The following CSMD1 variants were observed in gnomAD, a reference collection of about 807,000 sequenced individuals.
CSMD1 encodes the protein CUB and sushi domain-containing protein 1.
Under a neutral mutation model 417.5 loss-of-function variants are expected in CSMD1, and 213 were observed. The observed-to-expected ratio is 0.51, with a 90% CI of 0.46 to 0.57. CSMD1 has a LOEUF of 0.57. Ranked by LOEUF, CSMD1 falls within the 20% of genes least tolerant of loss-of-function variation. The pLI is 0.00. For missense variants in CSMD1, 6,923 were observed against 4,529.7 expected (o/e 1.53, Z -15.17); for synonymous variants, 2,862 against 1,736.8 (o/e 1.65, Z -16.11).
intron 23 of CSMD1, among the ~76,000 whole-genome samples, chr8:3,309,387 G>A (rs953676354): frequency 2.1e-5 from 3 of 144,854 alleles, no homozygotes; most frequent in African/African-American, 7.3e-5. Flanking sequence ...TGGTTATGAG[G>A]CTCTTGAGGA....
chr8:4,931,448 C>T (rs56006739), intron 1 of CSMD1, among the ~76,000 whole-genome samples: 3,574 of 152,206 alleles, frequency 0.023, 52 homozygotes, highest in Middle Eastern at 0.078. Flanking sequence ...CAATTTCAAA[C>T]GCCCAGCCTG....
At chr8:3,128,422 G>C in intron 41 of CSMD1, 1 of 161,556 alleles carries the variant, frequency 6.2e-6, no homozygotes, top group South Asian at 1.7e-4. Flanking sequence ...CCTTTACATG[G>C]TCATAAATAA....
At chr8:3,423,520 T>C (rs956089679) in intron 12 of CSMD1, among the ~76,000 whole-genome samples, 2 of 152,224 alleles carry the variant, frequency 1.3e-5, no homozygotes, top group African/African-American at 4.8e-5. Context: ...ATGAACTTTT[T>C]GTTGCTCAAT....
intron 3 of CSMD1, among the ~76,000 whole-genome samples, chr8:4,294,254 G>T (rs149457485): frequency 1.5e-3 from 224 of 152,126 alleles, no homozygotes; most frequent in Non-Finnish European, 2.7e-3. Flanking sequence ...CATATAGATC[G>T]TGTGACAAAC....
rs76405675 is a variant in CSMD1 at position 3,178,262 on chromosome 8, T to C, written c.5725+2848A>G. The stretch of plus-strand genomic sequence containing the variant: ...CACCAGTGTCCATTTGGATGTACTA[T>C]GGTTAAGGGGGCCTTGTTTTCATTT... On this transcript the variant is annotated intron_variant, in intron 37 of 69. Transcript: ENST00000635120. Among the ~76,000 whole-genome samples, 865 of 152,246 alleles carry C rather than the reference T, an allele frequency of 5.7e-3. 13 individuals carry two copies. The highest frequency in any genetic ancestry group is 0.02 in the African/African-American group (839 of 41,534).
intron 1 of CSMD1, among the ~76,000 whole-genome samples, chr8:4,641,766 G>A (rs1345458114): frequency 6.6e-6 from 1 of 152,106 alleles, no homozygotes; most frequent in Non-Finnish European, 1.5e-5. Flanking sequence ...ATAAAATGGT[G>A]AGTAAATACA....
At chr8:3,621,991 ATG>A (rs35068961) in intron 7 of CSMD1, among the ~76,000 whole-genome samples, 8,500 of 142,896 alleles carry the variant, frequency 0.059, 426 homozygotes, top group East Asian at 0.29. Flanking sequence ...GTGTGTGTGT[ATG>A]TGTGTGTGTG....
At chr8:3,162,418 AG>A in intron 37 of CSMD1, 141 bp from the exon 38 acceptor site, 1 of 633,152 alleles carries the variant, frequency 1.6e-6, no homozygotes, top group Non-Finnish European at 2.8e-6. Context: ...TATTCTACCA[AG>A]AAGACTTTGA....
At chr8:4,148,116 C>T (rs143131915) in intron 3 of CSMD1, among the ~76,000 whole-genome samples, 17 of 152,072 alleles carry the variant, frequency 1.1e-4, no homozygotes, top group Non-Finnish European at 1.6e-4. Flanking sequence ...ATCTTTGATG[C>T]GCGTGACATG....
At chr8:3,838,228 T>C (rs1029278778) in intron 5 of CSMD1, among the ~76,000 whole-genome samples, 6 of 151,964 alleles carry the variant, frequency 3.9e-5, no homozygotes, top group African/African-American at 1.2e-4. Context: ...AAATATATAG[T>C]ACAACCTGCA....
intron 2 of CSMD1, among the ~76,000 whole-genome samples, chr8:4,483,613 G>T (rs935868024): frequency 1.3e-5 from 2 of 152,164 alleles, no homozygotes; most frequent in African/African-American, 4.8e-5. Flanking sequence ...CATAGGTGCA[G>T]CTAAGACTAA....
chr8:3,303,599 C>G (rs1176773561), intron 25 of CSMD1, among the ~76,000 whole-genome samples: 1 of 152,190 alleles, frequency 6.6e-6, no homozygotes, highest in Non-Finnish European at 1.5e-5. Flanking sequence ...TCAAAGTGAG[C>G]TTTCCAGACA....
Position 4,583,889 on chromosome 8 carries a change from C to A in CSMD1, c.302+53453G>T, listed in dbSNP as rs140578399. Among the ~76,000 whole-genome samples the A allele has an allele frequency of 4.2e-4, 64 of 152,230 alleles. 1 individual carries two copies. In the East Asian group the frequency reaches 0.012, roughly 29 times the overall value. Reference sequence around the variant, plus strand: ...CTTTCACTCTTTGCAATAAATCTTGCTGCTGCTCACTCTTTGGGTCCACAC... The same window carrying A: ...CTTTCACTCTTTGCAATAAATCTTGATGCTGCTCACTCTTTGGGTCCACAC... On this transcript the variant is annotated intron_variant, in intron 2 of 69. Transcript: ENST00000635120.
At chr8:4,215,142 G>A (rs527401210) in intron 3 of CSMD1, among the ~76,000 whole-genome samples, 5 of 152,214 alleles carry the variant, frequency 3.3e-5, no homozygotes, top group Non-Finnish European at 5.9e-5. Context: ...AACCTAGGGA[G>A]AGGGGACGCA....
intron 40 of CSMD1, among the ~76,000 whole-genome samples, chr8:3,143,947 TA>T (rs1384531276): frequency 6.6e-6 from 1 of 152,164 alleles, no homozygotes; most frequent in Admixed American, 6.5e-5. Context: ...TGAAAAATTG[TA>T]GGGAGGAAAC....
chr8:3,959,669 G>A (rs2627490), intron 5 of CSMD1, among the ~76,000 whole-genome samples: 69,566 of 151,988 alleles, frequency 0.46, 16,838 homozygotes, highest in East Asian at 0.79. Context: ...TTTGACTTAT[G>A]TCCTAGTACA....
chr8:2,994,171 A>AAAG (rs1320139624), intron 54 of CSMD1, among the ~76,000 whole-genome samples: 1 of 131,438 alleles, frequency 7.6e-6, no homozygotes, highest in African/African-American at 2.9e-5. Flanking sequence ...AAAAAAAAAA[A>AAAG]GCAAGAAGAA....
At chr8:3,294,053 C>G (rs146637985) in intron 25 of CSMD1, among the ~76,000 whole-genome samples, 6 of 152,170 alleles carry the variant, frequency 3.9e-5, no homozygotes, top group African/African-American at 1.4e-4. Context: ...CAGTCAGGAC[C>G]CTCAGCTGCA....
intron 3 of CSMD1, among the ~76,000 whole-genome samples, chr8:4,363,671 T>G (rs796075246): frequency 6.6e-6 from 1 of 152,200 alleles, no homozygotes; most frequent in Non-Finnish European, 1.5e-5. Context: ...TTAAAAAGCA[T>G]TACATCGCTC....
Sources: gnomAD v4.1 joint callset for allele counts (sites outside exome capture counted in the v4.1 genomes callset) on GRCh38, gnomAD v4.1.1 for gene constraint, MANE v1.5 for transcripts, NCBI Gene and HGNC (gene_info 2026-07-23, HGNC 2026-07-21) for gene names.